The following NTM variants were observed in gnomAD, a reference collection of about 807,000 sequenced individuals.
The protein encoded by NTM is neurotrimin, also known as IgLON family member 2.
NTM carries 13 observed loss-of-function variants against 42.1 expected under a neutral mutation model. That is an observed-to-expected ratio of 0.31 (90% CI 0.20 to 0.49). The LOEUF is 0.49. Among genes scored for constraint, NTM ranks in the 20% least tolerant of loss-of-function variants. NTM has a pLI of 0.99. For synonymous variants in NTM, 187 were observed against 179.2 expected, an observed-to-expected ratio of 1.04 and a Z score of -0.35; for missense variants, 373 against 452.8, an observed-to-expected ratio of 0.82 and a Z score of 1.60.
intron 1 of NTM, among the ~76,000 whole-genome samples, chr11:131,498,718 C>T (rs1156966678): frequency 2.0e-5 from 3 of 152,196 alleles, no homozygotes; most frequent in African/African-American, 4.8e-5. Context: ...TGATCTGGGG[C>T]CTGAAAGGGA....
chr11:131,705,475 A>C (rs895685432), intron 1 of NTM, among the ~76,000 whole-genome samples: 2 of 152,194 alleles, frequency 1.3e-5, no homozygotes, highest in African/African-American at 4.8e-5. Flanking sequence ...GAAATGCTCA[A>C]ATAAGTTCTT....
chr11:131,450,355 G>A (rs1261326118), intron 1 of NTM, among the ~76,000 whole-genome samples: 1 of 152,130 alleles, frequency 6.6e-6, no homozygotes, highest in Non-Finnish European at 1.5e-5. Context: ...CCATCTATTG[G>A]CCAGAACTCA....
intron 1 of NTM, among the ~76,000 whole-genome samples, chr11:131,841,221 A>G (rs2044199159): frequency 6.6e-6 from 1 of 152,236 alleles, no homozygotes. Context: ...TAATAATTCT[A>G]TAATTGAGTT....
At chr11:131,444,751 G>A (rs1234406339) in intron 1 of NTM, among the ~76,000 whole-genome samples, 1 of 152,118 alleles carries the variant, frequency 6.6e-6, no homozygotes, top group African/African-American at 2.4e-5. Context: ...AGAAAGAGTG[G>A]AGAAGTTGGG....
chr11:131,717,064 C>T (rs1339070244), intron 1 of NTM, among the ~76,000 whole-genome samples: 1 of 152,094 alleles, frequency 6.6e-6, no homozygotes, highest in Non-Finnish European at 1.5e-5. Context: ...GTTTCTTGAA[C>T]TCCTGGGTTC....
intron 1 of NTM, among the ~76,000 whole-genome samples, chr11:131,494,110 A>G (rs1955083975): frequency 2.6e-5 from 4 of 152,168 alleles, no homozygotes; most frequent in Admixed American, 2.6e-4. Flanking sequence ...AAGATCTTAT[A>G]TATCCTTTAA....
chr11:131,609,273 G>A (rs1455019104), intron 1 of NTM, among the ~76,000 whole-genome samples: 1 of 152,200 alleles, frequency 6.6e-6, no homozygotes, highest in Non-Finnish European at 1.5e-5. Context: ...TGAGAGCTTA[G>A]GCCTGGGTTG....
intron 1 of NTM, among the ~76,000 whole-genome samples, chr11:131,588,842 CAT>C (rs2059110321): frequency 6.6e-6 from 1 of 152,174 alleles, no homozygotes; most frequent in Non-Finnish European, 1.5e-5. Flanking sequence ...GGGGTAAAGA[CAT>C]TAACTGCTTG....
intron 1 of NTM, among the ~76,000 whole-genome samples, chr11:131,665,239 G>A (rs1186007077): frequency 6.6e-6 from 1 of 152,206 alleles, no homozygotes; most frequent in Non-Finnish European, 1.5e-5. Flanking sequence ...CATTCAGAAT[G>A]TAAACCTTTT....
intron 1 of NTM, among the ~76,000 whole-genome samples, chr11:131,733,180 C>G (rs552867589): frequency 2.0e-5 from 3 of 151,922 alleles, no homozygotes; most frequent in Non-Finnish European, 4.4e-5. Flanking sequence ...AATATTTAAA[C>G]CTTGGTTTAA....
intron 1 of NTM, among the ~76,000 whole-genome samples, chr11:131,580,390 C>CA (rs1216132750): frequency 2.0e-5 from 3 of 152,132 alleles, no homozygotes; most frequent in African/African-American, 7.2e-5. Context: ...AGGCCACTGA[C>CA]AGCGATTTGG....
chr11:132,144,336 C>T (rs1176489153), intron 2 of NTM, among the ~76,000 whole-genome samples: 1 of 152,160 alleles, frequency 6.6e-6, no homozygotes, highest in Non-Finnish European at 1.5e-5. Context: ...CAGCGAAATC[C>T]CCAGGGGGCT....
intron 1 of NTM, among the ~76,000 whole-genome samples, chr11:131,837,076 TAAAAC>T (rs1352473167): frequency 6.6e-6 from 1 of 152,200 alleles, no homozygotes; most frequent in African/African-American, 2.4e-5. Flanking sequence ...AGACAAAACT[TAAAAC>T]AAGAGTCAAG....
intron 1 of NTM, among the ~76,000 whole-genome samples, chr11:131,586,636 T>C (rs1326416394): frequency 6.6e-6 from 1 of 152,184 alleles, no homozygotes; most frequent in Admixed American, 6.5e-5. Context: ...CAAAGCTCTT[T>C]CCAGATTTTT....
At chr11:131,679,892 A>T (rs2072129191) in intron 1 of NTM, among the ~76,000 whole-genome samples, 1 of 152,164 alleles carries the variant, frequency 6.6e-6, no homozygotes, top group East Asian at 1.9e-4. Context: ...TTTCCGATGG[A>T]GAAGGCTAGT....
chr11:131,598,701 T>TTCTCTC (rs1555161367), intron 1 of NTM, among the ~76,000 whole-genome samples: 1 of 61,838 alleles, frequency 1.6e-5, no homozygotes, highest in Non-Finnish European at 3.9e-5. Context: ...CTTTCTTTCT[T>TTCTCTC]TCTTTCTTTC....
chr11:131,826,756 A>G (rs2042182786), intron 1 of NTM, among the ~76,000 whole-genome samples: 1 of 152,070 alleles, frequency 6.6e-6, no homozygotes. Flanking sequence ...CCCTTTCAGG[A>G]GGCTGTAAGA....
chr11:131,977,644 A>T (rs1237321184), intron 2 of NTM, among the ~76,000 whole-genome samples: 1 of 152,222 alleles, frequency 6.6e-6, no homozygotes, highest in Non-Finnish European at 1.5e-5. Context: ...GCTTACGTAA[A>T]TATAGCTGGT....
intron 4 of NTM, among the ~76,000 whole-genome samples, chr11:132,215,687 A>G (rs1283017842): frequency 2.0e-5 from 3 of 152,214 alleles, no homozygotes; most frequent in Non-Finnish European, 4.4e-5. Flanking sequence ...ATTTCCGTAT[A>G]TTATTATGGG....
Sources: gnomAD v4.1 joint callset for allele counts (sites outside exome capture counted in the v4.1 genomes callset) on GRCh38, gnomAD v4.1.1 for gene constraint, MANE v1.5 for transcripts, NCBI Gene and HGNC (gene_info 2026-07-23, HGNC 2026-07-21) for gene names.